Variants in DENND1A observed in about 807,000 individuals in gnomAD.
DENND1A encodes the protein DENN domain-containing protein 1A.
In DENND1A, 51 loss-of-function variants were observed where a neutral mutation model predicts 113.7. That is an observed-to-expected ratio of 0.45 (90% confidence interval 0.36 to 0.57). The LOEUF (loss-of-function observed/expected upper bound fraction) is 0.57. Ranked by LOEUF, DENND1A falls within the 20% of genes least tolerant of loss-of-function variation. The pLI is 0.00. For missense variants in DENND1A, 1,258 were observed against 1,395.9 expected, an observed-to-expected ratio of 0.90 and a Z score of 1.57; for synonymous variants, 565 against 570.8, an observed-to-expected ratio of 0.99 and a Z score of 0.14.
At chr9:123,584,321 T>G (rs1227592254) in intron 11 of DENND1A, among the ~76,000 whole-genome samples, 1 of 152,246 alleles carries the variant, frequency 6.6e-6, no homozygotes, top group Non-Finnish European at 1.5e-5. Context: ...AAAGGATCAA[T>G]TCCATTACTG....
At chr9:123,488,809 G>A (rs1276147190) in intron 13 of DENND1A, among the ~76,000 whole-genome samples, 1 of 152,096 alleles carries the variant, frequency 6.6e-6, no homozygotes, top group East Asian at 1.9e-4. Flanking sequence ...TCCCTCATGC[G>A]GTGCGCTTGA....
chr9:123,620,634 T>C (rs1477831820), intron 10 of DENND1A, among the ~76,000 whole-genome samples: 1 of 152,206 alleles, frequency 6.6e-6, no homozygotes, highest in Non-Finnish European at 1.5e-5. Context: ...AGTTGAGGAA[T>C]TACCTAACTA....
chr9:123,483,585 T>C (rs2050535911), intron 13 of DENND1A, among the ~76,000 whole-genome samples: 1 of 152,196 alleles, frequency 6.6e-6, no homozygotes, highest in African/African-American at 2.4e-5. Flanking sequence ...TCTGCCAGGG[T>C]CTGTTCCGGG....
At position 123,656,672 on chromosome 9, in the gene DENND1A, T is replaced by C. The variant is rs115139574; in HGVS notation, c.508-4549A>G. On this transcript the variant is annotated intron_variant, in intron 8 of 23. Coordinates refer to ENST00000394215, the MANE Select transcript of DENND1A (RefSeq NM_001352964.2). ...GATAAATCCTCCTTCTAAAGCACCA[T>C]AATTTCTGTCAAACATGGTGTCCCT... Among the ~76,000 whole-genome samples, 328 of 152,314 alleles carry C rather than the reference T, an allele frequency of 2.2e-3. 1 individual carries two copies. The highest frequency in any genetic ancestry group is 7.6e-3 in the African/African-American group (314 of 41,556).
intron 12 of DENND1A, among the ~76,000 whole-genome samples, chr9:123,564,282 G>A (rs542887814): frequency 2.0e-5 from 3 of 152,368 alleles, no homozygotes; most frequent in African/African-American, 4.8e-5. Flanking sequence ...TCTGGGGCCT[G>A]GGAGTGGATG....
At chr9:123,811,411 A>C (rs896866076) in intron 2 of DENND1A, among the ~76,000 whole-genome samples, 3 of 152,192 alleles carry the variant, frequency 2.0e-5, no homozygotes, top group Admixed American at 6.5e-5. Flanking sequence ...TCTGCAGCAC[A>C]AATAGAATGA....
intron 1 of DENND1A, among the ~76,000 whole-genome samples, chr9:123,912,519 C>A (rs1316659006): frequency 6.6e-6 from 1 of 152,190 alleles, no homozygotes; most frequent in Non-Finnish European, 1.5e-5. Context: ...TCACCAAACA[C>A]CACAGGAAAC....
chr9:123,534,499 G>T (rs1161037133), intron 13 of DENND1A, among the ~76,000 whole-genome samples: 1 of 151,962 alleles, frequency 6.6e-6, no homozygotes, highest in Non-Finnish European at 1.5e-5. Context: ...AACATTTTTT[G>T]TGTATGTTTC....
At chr9:123,460,601 G>GAA (rs746507582) in intron 13 of DENND1A, among the ~76,000 whole-genome samples, 4 of 152,258 alleles carry the variant, frequency 2.6e-5, no homozygotes, top group Non-Finnish European at 4.4e-5. Context: ...ACCCACAGTG[G>GAA]ACCTATCAGA....
Position 123,587,438 on chromosome 9 carries a change from C to T in DENND1A, c.766-4168G>A, listed in dbSNP as rs141045714. On this transcript the variant is annotated intron_variant, in intron 11 of 23. Coordinates refer to ENST00000394215, the MANE Select transcript of DENND1A (RefSeq NM_001352964.2). ...TTACAAACAATCCATGGAAACAGGA[C>T]GTGAAGCTAGACAACCAGTTAGACC... is the stretch of plus-strand genomic sequence containing the variant. Among the ~76,000 whole-genome samples the T allele has an allele frequency of 6.0e-3, 919 of 152,236 alleles. 9 individuals are homozygous for T. Among genetic ancestry groups the T allele is most frequent in the African/African-American group, 0.021 (874 of 41,526 alleles).
intron 1 of DENND1A, among the ~76,000 whole-genome samples, chr9:123,904,918 A>C (rs922316918): frequency 1.3e-5 from 2 of 152,206 alleles, no homozygotes; most frequent in African/African-American, 4.8e-5. Context: ...GATTCACCAA[A>C]GTTGAAATGA....
intron 13 of DENND1A, among the ~76,000 whole-genome samples, chr9:123,475,233 G>A (rs555388820): frequency 9.9e-5 from 15 of 152,250 alleles, no homozygotes; most frequent in African/African-American, 2.4e-4. Context: ...TGGCCAAGCT[G>A]GCCTCGAACT....
intron 6 of DENND1A, among the ~76,000 whole-genome samples, chr9:123,676,410 G>A (rs1284762679): frequency 6.6e-6 from 1 of 152,026 alleles, no homozygotes; most frequent in Non-Finnish European, 1.5e-5. Context: ...CAAACTTTCC[G>A]GGCTGCTTGG....
At chr9:123,591,965 C>G (rs994509581) in intron 11 of DENND1A, among the ~76,000 whole-genome samples, 1 of 152,222 alleles carries the variant, frequency 6.6e-6, no homozygotes, top group African/African-American at 2.4e-5. Flanking sequence ...TGGAACAAGA[C>G]AGCCAGATTC....
intron 4 of DENND1A, among the ~76,000 whole-genome samples, chr9:123,767,107 T>G (rs1324288522): frequency 1.3e-5 from 2 of 152,166 alleles, no homozygotes; most frequent in Non-Finnish European, 2.9e-5. Context: ...TCTGGGGATA[T>G]CCATTTGACA....
intron 11 of DENND1A, among the ~76,000 whole-genome samples, chr9:123,598,859 C>T (rs1039432065): frequency 2.0e-5 from 3 of 152,152 alleles, no homozygotes; most frequent in African/African-American, 7.2e-5. Context: ...ACAACGGACT[C>T]CTAGGCACCA....
chr9:123,597,896 C>G (rs2137265163), intron 11 of DENND1A, among the ~76,000 whole-genome samples: 1 of 152,224 alleles, frequency 6.6e-6, no homozygotes, highest in South Asian at 2.1e-4. Flanking sequence ...AAAGACGACC[C>G]CATCTTGCAG....
At chr9:123,496,804 G>A (rs2051964353) in intron 13 of DENND1A, among the ~76,000 whole-genome samples, 1 of 152,218 alleles carries the variant, frequency 6.6e-6, no homozygotes, top group African/African-American at 2.4e-5. Context: ...GGGGAAAACC[G>A]CAGCCTGTGT....
chr9:123,392,967 T>C (rs968774610), intron 21 of DENND1A, among the ~76,000 whole-genome samples: 3 of 152,202 alleles, frequency 2.0e-5, no homozygotes, highest in Non-Finnish European at 2.9e-5. Flanking sequence ...TCCAATCCCA[T>C]CCAGGTTGCT....
Sources: gnomAD v4.1 joint callset for allele counts (sites outside exome capture counted in the v4.1 genomes callset) on GRCh38, gnomAD v4.1.1 for gene constraint, MANE v1.5 for transcripts, NCBI Gene and HGNC (gene_info 2026-07-23, HGNC 2026-07-21) for gene names.